GNAQ: variants seen among roughly 807,000 people sequenced by gnomAD.
The protein encoded by GNAQ is guanine nucleotide-binding protein G(q) subunit alpha.
In GNAQ, 8 loss-of-function variants were observed where a neutral mutation model predicts 43.9. That is an observed-to-expected ratio of 0.18 (90% CI 0.11 to 0.33). GNAQ has a LOEUF of 0.33. Ranked by LOEUF, GNAQ falls within the 10% of genes least tolerant of loss-of-function variation. The pLI is 1.00. For missense variants in GNAQ, 158 were observed against 450.8 expected (o/e 0.35, Z 5.88); for synonymous variants, 155 against 170.7 (o/e 0.91, Z 0.71).
chr9:77,927,427 G>A (rs1829085083), intron 1 of GNAQ, among the ~76,000 whole-genome samples: 1 of 152,108 alleles, frequency 6.6e-6, no homozygotes, highest in Admixed American at 6.5e-5. Flanking sequence ...ATATACAGAA[G>A]CATTGCTCAA....
chr9:77,719,116 GTTTT>G lies in GNAQ; in HGVS notation c.*2203_*2206del, dbSNP rs879031242. 2.9e-5 allele frequency: 6 copies of G among 208,566 alleles called. No individual in the cohort carries two copies. The highest frequency in any genetic ancestry group is 5.7e-5 in the Non-Finnish European group (6 of 104,842). 12.9% of individuals were successfully genotyped at this position (208,566 alleles called of 1,614,324 possible). On this transcript the variant is annotated 3_prime_UTR_variant, in exon 7 of 7. Transcript: ENST00000286548. ...TAGTACCGCTCTGTATGACAGTAAG[GTTTT>G]TTTTTTTTCTTCTTTTCTAAATGGA...
chr9:77,931,043 T>A (rs1185667003), intron 1 of GNAQ, among the ~76,000 whole-genome samples: 1 of 151,648 alleles, frequency 6.6e-6, no homozygotes, highest in Non-Finnish European at 1.5e-5. Context: ...AACAGTCTTA[T>A]CCCGAAACCA....
intron 1 of GNAQ, among the ~76,000 whole-genome samples, chr9:77,941,068 TA>T (rs1829309954): frequency 6.6e-6 from 1 of 152,164 alleles, no homozygotes; most frequent in East Asian, 1.9e-4. Flanking sequence ...TCACAAGTAT[TA>T]AAAGAATTAA....
At chr9:77,798,534 T>C (rs113786377) in intron 3 of GNAQ, among the ~76,000 whole-genome samples, 5,554 of 152,274 alleles carry the variant, frequency 0.036, 134 homozygotes, top group Non-Finnish European at 0.055. Flanking sequence ...ATGCTATATA[T>C]TGTATGTATG....
intron 1 of GNAQ, among the ~76,000 whole-genome samples, chr9:77,922,831 CTATTT>C (rs944259889): frequency 3.9e-5 from 6 of 151,992 alleles, no homozygotes; most frequent in African/African-American, 1.2e-4. Flanking sequence ...GACACGCTCC[CTATTT>C]TATTTTTTTT....
intron 1 of GNAQ, among the ~76,000 whole-genome samples, chr9:78,016,450 C>T (rs1823839103): frequency 6.6e-6 from 1 of 152,088 alleles, no homozygotes; most frequent in Admixed American, 6.5e-5. Context: ...CTTTGGGAGG[C>T]CAAGGTGGGC....
chr9:77,736,771 C>T (rs1388535200), intron 5 of GNAQ, among the ~76,000 whole-genome samples: 3 of 152,004 alleles, frequency 2.0e-5, no homozygotes, highest in Non-Finnish European at 2.9e-5. Flanking sequence ...ACGTGAGTGA[C>T]AGGTAACAGG....
chr9:77,810,209 T>TCTATCTATCTATCTAA (rs1255793803), intron 3 of GNAQ, among the ~76,000 whole-genome samples: 84 of 4,352 alleles, frequency 0.019, 1 homozygote, highest in African/African-American at 0.089. Flanking sequence ...CTGTCAATCA[T>TCTATCTATCTATCTAA]CTATCTATCT....
intron 2 of GNAQ, among the ~76,000 whole-genome samples, chr9:77,868,446 C>T (rs981778299): frequency 6.6e-6 from 1 of 152,148 alleles, no homozygotes; most frequent in African/African-American, 2.4e-5. Flanking sequence ...TAAATTTCTT[C>T]TGGAATGATG....
intron 1 of GNAQ, among the ~76,000 whole-genome samples, chr9:77,990,597 G>C (rs1823495993): frequency 6.6e-6 from 1 of 152,178 alleles, no homozygotes; most frequent in South Asian, 2.1e-4. Context: ...AGTATCTCAA[G>C]AACCCTGTGG....
intron 2 of GNAQ, among the ~76,000 whole-genome samples, chr9:77,868,814 C>CA (rs1041164844): frequency 4.0e-5 from 6 of 151,562 alleles, no homozygotes; most frequent in African/African-American, 1.5e-4. Context: ...AACAAAAAAC[C>CA]AAAAAAGAAA....
chr9:77,952,432 C>G (rs11145632), intron 1 of GNAQ, among the ~76,000 whole-genome samples: 18,198 of 152,072 alleles, frequency 0.12, 1,442 homozygotes, highest in Non-Finnish European at 0.18. Flanking sequence ...TTTAGTCATT[C>G]TATAACAAAA....
At chr9:77,745,613 A>C (rs2378082) in intron 5 of GNAQ, among the ~76,000 whole-genome samples, 8 of 252 alleles carry the variant, frequency 0.032, no homozygotes, top group South Asian at 0.17. Flanking sequence ...CACACACACA[A>C]AAAAAAAATC....
chr9:77,800,938 T>C (rs904270398), intron 3 of GNAQ, among the ~76,000 whole-genome samples: 3 of 152,238 alleles, frequency 2.0e-5, no homozygotes, highest in Non-Finnish European at 4.4e-5. Flanking sequence ...CTGGCAAGGC[T>C]GCTCAGAAAT....
chr9:77,986,009 C>A (rs1023271196), intron 1 of GNAQ, among the ~76,000 whole-genome samples: 2 of 152,136 alleles, frequency 1.3e-5, no homozygotes, highest in Admixed American at 1.3e-4. Context: ...ATATTCGAAG[C>A]AGTCAGAAAG....
At chr9:77,919,967 C>T (rs944261810) in intron 2 of GNAQ, among the ~76,000 whole-genome samples, 2 of 151,966 alleles carry the variant, frequency 1.3e-5, no homozygotes, top group African/African-American at 2.4e-5. Flanking sequence ...GGTGAAACCC[C>T]GTCTCTACTA....
intron 1 of GNAQ, among the ~76,000 whole-genome samples, chr9:77,962,384 C>T (rs1823116627): frequency 1.3e-5 from 2 of 152,078 alleles, no homozygotes; most frequent in Admixed American, 1.3e-4. Flanking sequence ...TCATAATCAT[C>T]CTGCTGAAAA....
intron 2 of GNAQ, among the ~76,000 whole-genome samples, chr9:77,860,071 G>A (rs1386554726): frequency 6.6e-6 from 1 of 152,104 alleles, no homozygotes; most frequent in Non-Finnish European, 1.5e-5. Context: ...GGCGTCTAAC[G>A]TCTCCATTTA....
At chr9:77,877,553 T>C (rs1353173649) in intron 2 of GNAQ, among the ~76,000 whole-genome samples, 2 of 152,224 alleles carry the variant, frequency 1.3e-5, no homozygotes, top group East Asian at 3.8e-4. Flanking sequence ...GGGTAATAAA[T>C]GTATATCTTC....
Sources: allele counts gnomAD v4.1 joint callset (sites outside exome capture counted in the v4.1 genomes callset), GRCh38; gene constraint gnomAD v4.1.1; transcripts MANE v1.5; gene names NCBI Gene and HGNC (gene_info 2026-07-23, HGNC 2026-07-21).